RIMS2: variants seen among roughly 807,000 people sequenced by gnomAD.
The protein encoded by RIMS2 is regulating synaptic membrane exocytosis 2.
RIMS2 carries 59 observed loss-of-function variants against 174.4 expected under a neutral mutation model. The ratio of observed to expected loss-of-function variants is 0.34; its 90% CI spans 0.27 to 0.42. The LOEUF is 0.42. RIMS2 is among the 10% of genes least tolerant of loss of function. RIMS2 has a pLI of 1.00. For synonymous variants in RIMS2, 606 were observed against 572.5 expected (o/e 1.06, Z -0.84); for missense variants, 1,620 against 1,666.3 (o/e 0.97, Z 0.48).
Position 103,975,349 on chromosome 8 carries a change from G to T in RIMS2, c.2771-1G>T. The T allele has an allele frequency of 3.7e-6, 6 of 1,608,010 alleles. No individual in the cohort carries two copies. Among genetic ancestry groups the T allele is most frequent in the Non-Finnish European group, 5.1e-6 (6 of 1,174,804 alleles). On this transcript the variant is annotated splice_acceptor_variant, in intron 15 of 23. Transcript: ENST00000504942. LOFTEE classifies it high-confidence loss of function. ...AATATTTATTAATTTTCTACCTTTA[G>T]ATTATCGACATGATGGTCGAGATCT...
intron 19 of RIMS2, among the ~76,000 whole-genome samples, chr8:104,095,071 T>G (rs1295480240): frequency 6.6e-6 from 1 of 152,130 alleles, no homozygotes; most frequent in Non-Finnish European, 1.5e-5. Context: ...AAAGAGAAAC[T>G]TGAAAATTCT....
chr8:103,819,771 A>G (rs1414544659), intron 3 of RIMS2: 2 of 583,068 alleles, frequency 3.4e-6, no homozygotes, highest in Non-Finnish European at 2.8e-6. Flanking sequence ...TTTATATAGC[A>G]TTCTTAATTT....
intron 3 of RIMS2, among the ~76,000 whole-genome samples, chr8:103,854,908 C>T (rs563890819): frequency 6.6e-6 from 1 of 151,110 alleles, no homozygotes; most frequent in East Asian, 1.9e-4. Flanking sequence ...CCTCTCACTT[C>T]TTTGTAATAT....
At chr8:103,835,320 C>G (rs1205495064) in intron 3 of RIMS2, among the ~76,000 whole-genome samples, 1 of 151,226 alleles carries the variant, frequency 6.6e-6, no homozygotes, top group African/African-American at 2.4e-5. Context: ...CCGGGCTTGT[C>G]TTGAACTCCT....
chr8:103,795,268 T>C (rs1179669376), intron 3 of RIMS2, among the ~76,000 whole-genome samples: 1 of 152,066 alleles, frequency 6.6e-6, no homozygotes, highest in African/African-American at 2.4e-5. Context: ...AAAGGATGAG[T>C]TCATGTCCTT....
rs144690384 is a variant in RIMS2, at chr8:103,530,832, A to G, written c.176+29770A>G. 2.4e-3 allele frequency among the ~76,000 whole-genome samples: 363 copies of G among 152,146 alleles called. 2 individuals carry two copies. Among genetic ancestry groups the G allele is most frequent in the African/African-American group, 8.3e-3 (345 of 41,560 alleles). On this transcript the variant is annotated intron_variant, in intron 1 of 23. Coordinates refer to ENST00000504942, the Ensembl canonical transcript of RIMS2. Reference sequence around the variant, plus strand: ...CAGATCTATGGTGTTAGAAATCATAATGATATTGACTGGGAGGCAGGGGCT... The same window carrying G: ...CAGATCTATGGTGTTAGAAATCATAGTGATATTGACTGGGAGGCAGGGGCT...
chr8:103,834,260 ATAATT>A (rs1221098848), intron 3 of RIMS2, among the ~76,000 whole-genome samples: 3 of 151,584 alleles, frequency 2.0e-5, no homozygotes, highest in South Asian at 2.1e-4. Context: ...AGCTTAAAAT[ATAATT>A]TAATTGTTTT....
chr8:103,997,679 T>C (rs995333116), intron 17 of RIMS2, among the ~76,000 whole-genome samples: 9 of 151,726 alleles, frequency 5.9e-5, no homozygotes, highest in African/African-American at 2.2e-4. Flanking sequence ...ATACAATTAA[T>C]AATCAAAGTA....
At chr8:103,545,396 A>G (rs560846472) in intron 1 of RIMS2, among the ~76,000 whole-genome samples, 1 of 152,298 alleles carries the variant, frequency 6.6e-6, no homozygotes, top group East Asian at 1.9e-4. Flanking sequence ...CAAATCTACA[A>G]CTCATTGCCA....
At chr8:103,915,976 C>T (rs1047100880) in intron 7 of RIMS2, among the ~76,000 whole-genome samples, 1 of 151,666 alleles carries the variant, frequency 6.6e-6, no homozygotes. Flanking sequence ...TGGAGAAATC[C>T]TTGAGTACCT....
intron 2 of RIMS2, among the ~76,000 whole-genome samples, chr8:103,733,798 G>A (rs2097644524): frequency 6.6e-6 from 1 of 152,026 alleles, no homozygotes; most frequent in African/African-American, 2.4e-5. Context: ...TGGACTTGGG[G>A]AGGGGTGGTG....
chr8:103,690,481 G>C (rs1191711351), intron 1 of RIMS2, among the ~76,000 whole-genome samples: 1 of 151,830 alleles, frequency 6.6e-6, no homozygotes, highest in Non-Finnish European at 1.5e-5. Context: ...TTGATTTGAG[G>C]TTACCATGAA....
chr8:103,988,892 G>C (rs2094522615), intron 16 of RIMS2, among the ~76,000 whole-genome samples: 1 of 152,068 alleles, frequency 6.6e-6, no homozygotes, highest in South Asian at 2.1e-4. Context: ...CACCTATGAG[G>C]CATCTCTATC....
chr8:103,798,662 T>G (rs1223015037), intron 3 of RIMS2, among the ~76,000 whole-genome samples: 1 of 152,184 alleles, frequency 6.6e-6, no homozygotes, highest in Non-Finnish European at 1.5e-5. Context: ...GTGCTTTAGA[T>G]CTTACATTTT....
intron 3 of RIMS2, among the ~76,000 whole-genome samples, chr8:103,780,778 T>G (rs1188555885): frequency 2.0e-5 from 3 of 152,168 alleles, no homozygotes; most frequent in African/African-American, 7.2e-5. Context: ...AATGGTTTCC[T>G]GTTTGCTATT....
intron 1 of RIMS2, among the ~76,000 whole-genome samples, chr8:103,547,960 G>A (rs1845888153): frequency 6.6e-6 from 1 of 152,006 alleles, no homozygotes; most frequent in Admixed American, 6.5e-5. Context: ...GATTGAACCA[G>A]GAAGAAACTG....
At chr8:103,849,380 C>T (rs777289439) in intron 3 of RIMS2, among the ~76,000 whole-genome samples, 31 of 151,978 alleles carry the variant, frequency 2.0e-4, no homozygotes, top group Non-Finnish European at 4.6e-4. Context: ...GAATGTTCTT[C>T]AGGAAAAATC....
chr8:103,929,232 A>G (rs2079394204), intron 11 of RIMS2, among the ~76,000 whole-genome samples: 1 of 151,770 alleles, frequency 6.6e-6, no homozygotes, highest in Non-Finnish European at 1.5e-5. Context: ...TGAGAAATTG[A>G]TAATATTAGT....
At chr8:103,986,233 G>T (rs531282705) in intron 16 of RIMS2, among the ~76,000 whole-genome samples, 1 of 152,026 alleles carries the variant, frequency 6.6e-6, no homozygotes, top group Admixed American at 6.6e-5. Flanking sequence ...AATTTTTAAC[G>T]AAAATAGAGA....
Sources: allele counts gnomAD v4.1 joint callset (sites outside exome capture counted in the v4.1 genomes callset), GRCh38; gene constraint gnomAD v4.1.1; transcripts MANE v1.5; gene names NCBI Gene and HGNC (gene_info 2026-07-23, HGNC 2026-07-21).